Variants in PRL observed in about 807,000 individuals in gnomAD.
PRL encodes decidual prolactin.
In PRL, 24 loss-of-function variants were observed where a neutral mutation model predicts 21.3. The ratio of observed to expected loss-of-function variants is 1.13; its 90% CI spans 0.82 to 1.59. PRL has a LOEUF of 1.59. PRL is among the 40% of genes most tolerant of loss of function. The pLI is 0.00. For missense variants in PRL, 243 were observed against 286.9 expected, an observed-to-expected ratio of 0.85 and a Z score of 1.10; for synonymous variants, 118 against 115.7, an observed-to-expected ratio of 1.02 and a Z score of -0.13.
At chr6:22,290,488 T>C in intron 3 of PRL, 135 bp from the exon 4 acceptor site, 1 of 653,790 alleles carries the variant, frequency 1.5e-6, no homozygotes. Context: ...TTTCTTTAGG[T>C]GAGAGAATTT....
chr6:22,288,086 A>G lies in PRL; in HGVS notation c.493-493T>C, dbSNP rs550108741. Among the ~76,000 whole-genome samples the G allele has an allele frequency of 1.3e-5, 2 of 152,268 alleles. No individual in the cohort carries two copies. Among genetic ancestry groups the G allele is most frequent in the South Asian group, 4.1e-4 (2 of 4,824 alleles). On this transcript the variant is annotated intron_variant, in intron 4 of 4. Coordinates refer to ENST00000306482, the MANE Select transcript of PRL (RefSeq NM_000948.6). This position sits in a 1 kb window ranked among gnomAD's most constrained non-coding sequence, Gnocchi z 4.5. ...TAAAAAAGATGAAGATTGTACTCACACTTGATGCTTTGGGGTACAGATAAT... is the reference window on the plus strand; with the variant it reads ...TAAAAAAGATGAAGATTGTACTCACGCTTGATGCTTTGGGGTACAGATAAT...
rs1010693755 is a variant in PRL at position 22,287,502 on chromosome 6, G to A, written c.584C>T (p.Ala195Val). The change falls in exon 5 of 5, where the codon GCT becomes GTT. Residue 195 changes from alanine (A) to valine (V), a missense_variant. Ala to Val is a moderately conservative substitution (Grantham distance 64). Coordinates refer to ENST00000306482, the MANE Select transcript of PRL (RefSeq NM_000948.6). ...QMADEESRLSAYYNLLHCLRR... is the reference protein window; with the variant it reads ...QMADEESRLSVYYNLLHCLRR... ...TAGGCAGTGGAGCAGGTTATAATAA[G>A]CAGAAAGGCGAGACTCTTCATCAGC... 1 of 1,614,130 alleles carries A rather than the reference G, an allele frequency of 6.2e-7. No homozygotes were observed. The highest frequency in any genetic ancestry group is 8.5e-7 in the Non-Finnish European group (1 of 1,179,978).
At chr6:22,298,746 G>A (rs1227558583), upstream of PRL, among the ~76,000 whole-genome samples, 1 of 152,156 alleles carries the variant, frequency 6.6e-6, no homozygotes, top group Non-Finnish European at 1.5e-5. Context: ...GCAGAGCTGT[G>A]TGGCAGAGAA....
chr6:22,292,787 A>G lies in PRL; in HGVS notation c.205-142T>C, dbSNP rs1474680875. 5 of 663,116 alleles carry G rather than the reference A, an allele frequency of 7.5e-6. No homozygotes were observed. In the East Asian group the frequency reaches 1.2e-4, roughly 16 times the overall value. The allele number at this position is 663,116 out of a possible 1,614,324, so 41.1% of individuals were successfully genotyped here. A position where few individuals can be genotyped will look rare whatever the true frequency, so the allele number is the denominator to read the frequency against. On this transcript the variant is annotated intron_variant, in intron 2 of 4. Coordinates refer to ENST00000306482, the MANE Select transcript of PRL (RefSeq NM_000948.6). The stretch of plus-strand genomic sequence containing the variant: ...CATAAAAATGAAAACTAAAGAATTA[A>G]GAAAGTAACCCTTTCGCCTACTTCC...
chr6:22,294,320 T>C, intron 2 of PRL, 89 bp downstream of exon 2: 1 of 1,481,030 alleles, frequency 6.8e-7, no homozygotes, highest in South Asian at 1.2e-5. Flanking sequence ...GAAATTTGGC[T>C]CGGGAGGTTT....
At chr6:22,300,648 T>A (rs188193081), upstream of PRL, among the ~76,000 whole-genome samples, 3 of 152,344 alleles carry the variant, frequency 2.0e-5, no homozygotes, top group African/African-American at 7.2e-5. Flanking sequence ...ATGCTTTTGT[T>A]TTTTTGGAAG....
At chr6:22,298,396 A>G (rs1277601053), upstream of PRL, among the ~76,000 whole-genome samples, 1 of 152,154 alleles carries the variant, frequency 6.6e-6, no homozygotes, top group African/African-American at 2.4e-5. Context: ...TTAGTTTCAA[A>G]TTTGCTGTCT....
rs1761127859 is a variant in PRL, at chr6:22,294,337, T to A, written c.204+72A>T. On this transcript the variant is annotated intron_variant, in intron 2 of 4. Transcript: ENST00000306482. The stretch of plus-strand genomic sequence containing the variant: ...AATTTGGCTCGGGAGGTTTTCTAGG[T>A]TAACATGTAGCAGAGCCCAGTAGTT... 6 of 1,579,206 alleles carry A rather than the reference T, an allele frequency of 3.8e-6. No homozygotes were observed. In the Admixed American group the frequency reaches 5.1e-5, roughly 13 times the overall value.
intron 2 of PRL, among the ~76,000 whole-genome samples, chr6:22,292,912 C>T (rs1464419541): frequency 2.6e-5 from 4 of 152,118 alleles, no homozygotes; most frequent in East Asian, 3.8e-4. Flanking sequence ...TTACCATTCA[C>T]ACAAGTCACA....
intron 1 of PRL, among the ~76,000 whole-genome samples, chr6:22,295,774 T>C (rs1364839570): frequency 6.6e-6 from 1 of 152,152 alleles, no homozygotes; most frequent in Non-Finnish European, 1.5e-5. Flanking sequence ...TAAAACTGTG[T>C]TTATCACAAA....
At position 22,296,996 on chromosome 6, in the gene PRL, G is replaced by A. The variant is rs1761193698; in HGVS notation, c.-14C>T. ...TTTGATGTTCATGTTCGTGATCGTT[G>A]CAGGAAACACACTTCACCAGAGAAG... On this transcript the variant is annotated 5_prime_UTR_variant, in exon 1 of 5. Coordinates refer to ENST00000306482, the MANE Select transcript of PRL (RefSeq NM_000948.6). 8.1e-6 allele frequency: 13 copies of A among 1,613,688 alleles called. No individual in the cohort carries two copies. Among genetic ancestry groups the A allele is most frequent in the African/African-American group, 1.3e-5 (1 of 74,894 alleles).
intron 3 of PRL, 127 bp downstream of exon 3, chr6:22,292,411 C>T: frequency 4.7e-6 from 4 of 849,296 alleles, no homozygotes; most frequent in Admixed American, 2.3e-5. Context: ...AATTTTTTGA[C>T]TGCTTATTCT....
chr6:22,297,569 C>T (rs539795507), upstream of PRL: 1 of 152,366 alleles, frequency 6.6e-6, no homozygotes, highest in South Asian at 2.1e-4. Flanking sequence ...TTGCTTTTTA[C>T]ATTTTGTTTT....
upstream of PRL, among the ~76,000 whole-genome samples, chr6:22,298,001 CTA>C (rs10561978): frequency 6.0e-3 from 916 of 152,308 alleles, 7 homozygotes; most frequent in African/African-American, 0.02. Context: ...GACAAACAAG[CTA>C]TAACCCCTGA....
At chr6:22,292,681 T>C (rs1305664952) in intron 2 of PRL, 36 bp from the exon 3 acceptor site, 1 of 1,559,562 alleles carries the variant, frequency 6.4e-7, no homozygotes, top group Non-Finnish European at 8.8e-7. Flanking sequence ...TAGTTGGGGT[T>C]GTTTGGGCAT....
At chr6:22,297,842 T>C (rs1048826394), upstream of PRL, among the ~76,000 whole-genome samples, 5 of 152,194 alleles carry the variant, frequency 3.3e-5, no homozygotes, top group East Asian at 7.7e-4. Flanking sequence ...TTTTAAATGG[T>C]AAAAACTGCA....
At chr6:22,296,504 C>T (rs1344388189) in intron 1 of PRL, among the ~76,000 whole-genome samples, 1 of 152,190 alleles carries the variant, frequency 6.6e-6, no homozygotes, top group Non-Finnish European at 1.5e-5. Flanking sequence ...GAAAATGTTA[C>T]TTTGTCCCTT....
intron 2 of PRL, among the ~76,000 whole-genome samples, chr6:22,293,625 G>GGAA (rs1761102978): frequency 3.7e-5 from 1 of 27,296 alleles, no homozygotes; most frequent in Non-Finnish European, 6.9e-5. Flanking sequence ...GAGGGAAGGA[G>GGAA]GGAAGGAAGG....
chr6:22,300,947 A>T (rs1190237871), upstream of PRL, among the ~76,000 whole-genome samples: 1 of 152,226 alleles, frequency 6.6e-6, no homozygotes, highest in East Asian at 1.9e-4. Context: ...TGCCTGATAT[A>T]AAATAATGCC....
Sources: allele counts gnomAD v4.1 joint callset (sites outside exome capture counted in the v4.1 genomes callset), GRCh38; gene constraint gnomAD v4.1.1; non-coding constraint Gnocchi (gnomAD v3.1); transcripts MANE v1.5; gene names NCBI Gene and HGNC (gene_info 2026-07-23, HGNC 2026-07-21).